Variants in FLVCR1 observed in about 807,000 individuals in gnomAD.
The protein encoded by FLVCR1 is FLVCR choline and heme transporter 1, also known as choline/ethanolamine transporter FLVCR1.
A neutral mutation model predicts 53.6 loss-of-function variants in FLVCR1; 34 were observed. The observed-to-expected ratio is 0.63, with a 90% confidence interval of 0.48 to 0.84. FLVCR1 has a LOEUF of 0.84. FLVCR1 is among the 40% of genes least tolerant of loss of function. FLVCR1 has a pLI of 0.00. For synonymous variants in FLVCR1, 300 were observed against 286.3 expected (o/e 1.05, Z -0.48); for missense variants, 677 against 696.7 (o/e 0.97, Z 0.32).
intron 4 of FLVCR1, among the ~76,000 whole-genome samples, chr1:212,885,013 A>G (rs1414009320): frequency 1.3e-5 from 2 of 152,236 alleles, no homozygotes; most frequent in Non-Finnish European, 1.5e-5. Context: ...TAAGAATCCT[A>G]ACAAAAATCA....
rs773363449 is a variant in FLVCR1 at position 212,899,215 on chromosome 1, G to A, written c.*3925G>A. ...AGATGTCTTTAAAAAATATGTTTGT[G>A]TGTAAAAATGTGTCTGTATGCAATA... On this transcript the variant is annotated 3_prime_UTR_variant, in exon 10 of 10. Transcript: ENST00000366971. 5 of 152,172 alleles carry A rather than the reference G, an allele frequency of 3.3e-5. 1 individual carries two copies. Among genetic ancestry groups the A allele is most frequent in the Non-Finnish European group, 7.4e-5 (5 of 68,020 alleles). 9.4% of individuals were successfully genotyped at this position (152,172 alleles called of 1,614,324 possible). A position where few individuals can be genotyped will look rare whatever the true frequency, so the allele number is the denominator to read the frequency against.
chr1:212,861,372 T>C (rs1221067527), intron 1 of FLVCR1, among the ~76,000 whole-genome samples: 2 of 152,222 alleles, frequency 1.3e-5, no homozygotes, highest in Non-Finnish European at 2.9e-5. Flanking sequence ...CCATTTCTTT[T>C]CATTCTTTTT....
chr1:212,858,527 G>C lies in FLVCR1; in HGVS notation c.75G>C (p.Leu25Phe). Residue 25 changes from leucine (L) to phenylalanine (F), a missense_variant, in exon 1 of 10, where the codon TTG (leucine) becomes TTC (phenylalanine). Physicochemically the swap from Leu to Phe is conservative, Grantham distance 22 (BLOSUM62 0). Coordinates refer to ENST00000366971, the MANE Select transcript of FLVCR1 (RefSeq NM_014053.4). Reference sequence around the variant, plus strand: ...CGCTCGCGAAAGGATACCTCCCGTTGCCGAGGGGCGCGCCCGTTGGGAAGG... The same window carrying C: ...CGCTCGCGAAAGGATACCTCCCGTTCCCGAGGGGCGCGCCCGTTGGGAAGG... ...GHPLAKGYLP[L>F]PRGAPVGKES... The C allele has an allele frequency of 2.1e-6, 3 of 1,460,540 alleles. No homozygotes were observed. The highest frequency in any genetic ancestry group is 1.8e-6 in the Non-Finnish European group (2 of 1,108,596). 90.5% of individuals were successfully genotyped at this position (1,460,540 alleles called of 1,614,324 possible).
chr1:212,871,003 C>T (rs544964974), intron 2 of FLVCR1, among the ~76,000 whole-genome samples: 16 of 152,250 alleles, frequency 1.1e-4, no homozygotes, highest in Non-Finnish European at 2.2e-4. Context: ...CTCCTGACCT[C>T]ACATGATCCA....
In FLVCR1 at chr1:212,894,850, T is replaced by C. The variant is rs2792558; in HGVS notation, c.1526-136T>C. 0.91 allele frequency: 658,476 copies of C among 719,804 alleles called. 301,522 individuals are homozygous for C. The highest frequency in any genetic ancestry group is 1 in the East Asian group (39,868 of 39,882). 44.6% of individuals were successfully genotyped at this position (719,804 alleles called of 1,614,324 possible). The stretch of plus-strand genomic sequence containing the variant: ...ACTTTAGAGAGGTACTATTATTTTT[T>C]AGGCTGTTGGGATGCTATTAAATAT... On this transcript the variant is annotated intron_variant, in intron 8 of 9. Coordinates refer to ENST00000366971, the MANE Select transcript of FLVCR1 (RefSeq NM_014053.4).
rs372949066 is a variant in FLVCR1 at position 212,899,028 on chromosome 1, C to T, written c.*3738C>T. On this transcript the variant is annotated 3_prime_UTR_variant, in exon 10 of 10. Transcript: ENST00000366971. The stretch of plus-strand genomic sequence containing the variant: ...CTGTCATATGTGGTCAATTGTTGAT[C>T]GAAACATGACTGTATGTCGTATTTT... The T allele has an allele frequency of 1.3e-5, 2 of 152,180 alleles. No individual in the cohort carries two copies. Among genetic ancestry groups the T allele is most frequent in the African/African-American group, 4.8e-5 (2 of 41,436 alleles). 9.4% of individuals were successfully genotyped at this position (152,180 alleles called of 1,614,324 possible). A position where few individuals can be genotyped will look rare whatever the true frequency, so the allele number is the denominator to read the frequency against.
rs886045922 is a variant in FLVCR1 at position 212,858,417 on chromosome 1, G to A, written c.-36G>A. 2.5e-5 allele frequency: 35 copies of A among 1,426,832 alleles called. No individual in the cohort carries two copies. The highest frequency in any genetic ancestry group is 2.6e-4 in the Middle Eastern group (1 of 3,896). 88.4% of individuals were successfully genotyped at this position (1,426,832 alleles called of 1,614,324 possible). On this transcript the variant is annotated 5_prime_UTR_variant, in exon 1 of 10. Transcript: ENST00000366971. ...CCGGGAGAGCGGAGTCGGGGAGTGG[G>A]GCGGGGGAGCGAGGTGGCGCCGGGG...
Position 212,859,103 on chromosome 1 carries a change from C to T in FLVCR1, c.651C>T (p.Ile217=), listed in dbSNP as rs1334726669. The change falls in exon 1 of 10, where the codon ATC becomes ATT. Residue 217 remains isoleucine, a synonymous_variant. Transcript: ENST00000366971. ...TGTGCTCGGTGGCCCAGGTGTTCATCCTGGGCTTGCCCTCCCGCATCGCCT... is the reference window on the plus strand; with the variant it reads ...TGTGCTCGGTGGCCCAGGTGTTCATTCTGGGCTTGCCCTCCCGCATCGCCT... ...QCLCSVAQVF[I]LGLPSRIASV... 3 of 1,613,742 alleles carry T rather than the reference C, an allele frequency of 1.9e-6. No individual in the cohort carries two copies. The highest frequency in any genetic ancestry group is 2.5e-6 in the Non-Finnish European group (3 of 1,179,988).
chr1:212,858,307 T>TGCGGTTCGCGGCGC lies in FLVCR1; in HGVS notation c.-142_-129dup. On this transcript the variant is annotated 5_prime_UTR_variant, in exon 1 of 10. Transcript: ENST00000366971. ...CATCTGTTCACGCGGTAGCGCGGAT[T>TGCGGTTCGCGGCGC]GCGGTTCGCGGCGCGCGCCACCGGG... The TGCGGTTCGCGGCGC allele has an allele frequency of 1.3e-6, 1 of 788,408 alleles. No individual in the cohort carries two copies. Among genetic ancestry groups the TGCGGTTCGCGGCGC allele is most frequent in the South Asian group, 2.1e-5 (1 of 47,814 alleles). The allele number at this position is 788,408 out of a possible 1,614,324, so 48.8% of individuals were successfully genotyped here. A position where few individuals can be genotyped will look rare whatever the true frequency, so the allele number is the denominator to read the frequency against.
At chr1:212,864,240 C>T (rs1223336719) in intron 2 of FLVCR1, among the ~76,000 whole-genome samples, 1 of 152,192 alleles carries the variant, frequency 6.6e-6, no homozygotes, top group African/African-American at 2.4e-5. Flanking sequence ...AAGTGATGCA[C>T]GTAGGCTATG....
intron 8 of FLVCR1, 59 bp downstream of exon 8, chr1:212,889,316 A>G (rs896293488): frequency 2.9e-6 from 3 of 1,042,402 alleles, no homozygotes; most frequent in Non-Finnish European, 1.5e-6. Context: ...TTTCATATAT[A>G]TTGCTTCTCA....
At chr1:212,888,165 TA>T (rs1665104920) in intron 6 of FLVCR1, among the ~76,000 whole-genome samples, 164 bp downstream of exon 6, 2 of 152,238 alleles carry the variant, frequency 1.3e-5, no homozygotes, top group South Asian at 4.1e-4. Flanking sequence ...TAAGAACTAT[TA>T]AAAATTATTT....
chr1:212,865,485 A>AGTTTTTTTTTTT (rs1664385938), intron 2 of FLVCR1, among the ~76,000 whole-genome samples: 1 of 133,656 alleles, frequency 7.5e-6, no homozygotes, highest in Non-Finnish European at 1.5e-5. Flanking sequence ...TGCAATAGGG[A>AGTTTTTTTTTTT]TTTTTTTTTT....
chr1:212,864,417 C>CA (rs1664348047), intron 2 of FLVCR1: 1 of 158,574 alleles, frequency 6.3e-6, no homozygotes, highest in African/African-American at 2.4e-5. Flanking sequence ...GCACGGCTGC[C>CA]ACCACTCGTC....
chr1:212,865,815 C>T (rs546728122), intron 2 of FLVCR1, among the ~76,000 whole-genome samples: 1 of 147,212 alleles, frequency 6.8e-6, no homozygotes, highest in East Asian at 2.0e-4. Context: ...AGAATTCTCT[C>T]TCTTTTTTTT....
chr1:212,892,378 G>T (rs944905801), intron 8 of FLVCR1, among the ~76,000 whole-genome samples: 1 of 152,218 alleles, frequency 6.6e-6, no homozygotes, highest in African/African-American at 2.4e-5. Context: ...ACTAATGCTT[G>T]TTGACCATTC....
intron 2 of FLVCR1, among the ~76,000 whole-genome samples, chr1:212,872,175 C>T (rs11120052): frequency 0.055 from 8,415 of 151,762 alleles, 310 homozygotes; most frequent in East Asian, 0.15. Flanking sequence ...AGTGCAATGG[C>T]GCAGTCACAG....
intron 3 of FLVCR1, among the ~76,000 whole-genome samples, chr1:212,874,391 C>T (rs957442851): frequency 3.3e-5 from 5 of 152,232 alleles, no homozygotes; most frequent in Admixed American, 6.5e-5. Context: ...AGTTCATTTT[C>T]TTAATTTTGC....
At chr1:212,883,817 C>G (rs1195654075) in intron 4 of FLVCR1, among the ~76,000 whole-genome samples, 1 of 147,416 alleles carries the variant, frequency 6.8e-6, no homozygotes, top group Non-Finnish European at 1.5e-5. Context: ...TGGGCCCCAT[C>G]TGATAGGTTG....
Sources: gnomAD v4.1 joint callset for allele counts (sites outside exome capture counted in the v4.1 genomes callset) on GRCh38, gnomAD v4.1.1 for gene constraint, MANE v1.5 for transcripts, NCBI Gene and HGNC (gene_info 2026-07-23, HGNC 2026-07-21) for gene names.